FAM107A: variants seen among roughly 807,000 people sequenced by gnomAD.
FAM107A encodes the protein actin-associated protein FAM107A.
Under a neutral mutation model 13.7 loss-of-function variants are expected in FAM107A, and 19 were observed. The ratio of observed to expected loss-of-function variants is 1.38; its 90% CI spans 0.97 to 2.03. The LOEUF (loss-of-function observed/expected upper bound fraction) is 2.03, where lower values mean the gene tolerates loss of function less well. Ranked by LOEUF, FAM107A falls within the 30% of genes most tolerant of loss-of-function variation. FAM107A has a pLI of 0.00. For synonymous variants in FAM107A, 82 were observed against 74.5 expected (o/e 1.10, Z -0.52); for missense variants, 203 against 184.4 (o/e 1.10, Z -0.58).
upstream of FAM107A, among the ~76,000 whole-genome samples, chr3:58,578,732 C>T (rs1228585974): frequency 6.6e-6 from 1 of 152,162 alleles, no homozygotes; most frequent in Non-Finnish European, 1.5e-5. Flanking sequence ...TTAGTGTCAT[C>T]CTAGTTCCCC....
At chr3:58,589,114 C>G (rs2065634250), upstream of FAM107A, 14 of 814,892 alleles carry the variant, frequency 1.7e-5, no homozygotes, top group Non-Finnish European at 2.0e-5. Context: ...AAGTGGGACT[C>G]AGGGAAATTG....
chr3:58,599,535 G>A (rs903210466), intron 1 of FAM107A, among the ~76,000 whole-genome samples: 2 of 152,046 alleles, frequency 1.3e-5, no homozygotes, highest in African/African-American at 4.8e-5. Context: ...GTTAGAAGTC[G>A]GGATAGTGGT....
intron 1 of FAM107A, among the ~76,000 whole-genome samples, chr3:58,626,811 C>A (rs1378899660): frequency 2.6e-5 from 4 of 152,186 alleles, no homozygotes; most frequent in African/African-American, 7.2e-5. Context: ...TGAGCCCTTG[C>A]CTGCTTTCTA....
At position 58,577,390 on chromosome 3, in the gene FAM107A, A is replaced by G. The variant is rs2063739746; in HGVS notation, c.-87T>C. On this transcript the variant is annotated 5_prime_UTR_variant, in exon 1 of 4. Transcript: ENST00000360997. The surrounding 1 kb of genome is among the most constrained non-coding windows in gnomAD (Gnocchi z 4.9). ...TCCACCGGGAAGTCCCAGACTAGCA[A>G]GGAGGGCTGCCTCTAGAGGGCGGTT... is the stretch of plus-strand genomic sequence containing the variant. 1 of 985,284 alleles carries G rather than the reference A, an allele frequency of 1.0e-6. No individual in the cohort carries two copies. Among genetic ancestry groups the G allele is most frequent in the Non-Finnish European group, 1.2e-6 (1 of 829,946 alleles). 61.0% of individuals were successfully genotyped at this position (985,284 alleles called of 1,614,324 possible).
At chr3:58,609,845 A>G (rs2065836369) in intron 1 of FAM107A, among the ~76,000 whole-genome samples, 1 of 152,192 alleles carries the variant, frequency 6.6e-6, no homozygotes, top group Non-Finnish European at 1.5e-5. Context: ...TGGCCTAGGC[A>G]TGGCTTCTTG....
At position 58,603,156 on chromosome 3, in the gene FAM107A, C is replaced by T. The variant is rs965961412; in HGVS notation, c.-69-13887G>A. ...AAATAAAGGAAGTTGATAACTCTGC[C>T]TCAACTGTATTAAGCAGTCTAAATG... On this transcript the variant is annotated intron_variant, in intron 1 of 3. Transcript: ENST00000465970. Among the ~76,000 whole-genome samples the T allele has an allele frequency of 3.3e-5, 5 of 152,220 alleles. No individual in the cohort carries two copies. In the South Asian group the frequency reaches 6.2e-4, roughly 19 times the overall value.
intron 1 of FAM107A, among the ~76,000 whole-genome samples, chr3:58,612,281 C>T (rs1435368620): frequency 6.6e-6 from 1 of 151,988 alleles, no homozygotes; most frequent in Non-Finnish European, 1.5e-5. Flanking sequence ...TGCTATGTAC[C>T]CATGAAAAAT....
At chr3:58,612,402 A>G (rs1484221660) in intron 1 of FAM107A, among the ~76,000 whole-genome samples, 1 of 152,134 alleles carries the variant, frequency 6.6e-6, no homozygotes, top group Non-Finnish European at 1.5e-5. Flanking sequence ...CAACATCGTG[A>G]TAACTCGTCT....
chr3:58,625,547 G>C (rs2066005732), intron 1 of FAM107A, among the ~76,000 whole-genome samples: 1 of 152,118 alleles, frequency 6.6e-6, no homozygotes, highest in Non-Finnish European at 1.5e-5. Context: ...TTTGTACCTG[G>C]GGCCTGTAAG....
intron 1 of FAM107A, among the ~76,000 whole-genome samples, chr3:58,573,305 C>G (rs749891710): frequency 6.6e-6 from 1 of 152,204 alleles, no homozygotes; most frequent in Admixed American, 6.5e-5. Context: ...GCTGAGCCAG[C>G]CTTTCTGCCT....
At chr3:58,589,081 G>A, upstream of FAM107A, 1 of 667,172 alleles carries the variant, frequency 1.5e-6, no homozygotes, top group South Asian at 1.8e-5. Context: ...CTGCAAGGGA[G>A]AAACCAAACC....
chr3:58,594,457 G>A (rs868827307), intron 1 of FAM107A, among the ~76,000 whole-genome samples: 1 of 152,090 alleles, frequency 6.6e-6, no homozygotes, highest in African/African-American at 2.4e-5. Flanking sequence ...CGCTGGATCC[G>A]TAGGACTCTG....
At position 58,564,931 on chromosome 3, in the gene FAM107A, C is replaced by T. The variant is rs2108031227; in HGVS notation, c.*1657G>A. 1 of 152,398 alleles carries T rather than the reference C, an allele frequency of 6.6e-6. No homozygotes were observed. The allele number at this position is 152,398 out of a possible 1,614,324, so 9.4% of individuals were successfully genotyped here. ...AGCACACACAGGAAAAGCACGACTTCAGTCACCCTCAAACCACCCAGTTAT... is the reference window on the plus strand; with the variant it reads ...AGCACACACAGGAAAAGCACGACTTTAGTCACCCTCAAACCACCCAGTTAT... On this transcript the variant is annotated 3_prime_UTR_variant, in exon 4 of 4. Transcript: ENST00000360997. The surrounding 1 kb of genome is among the most constrained non-coding windows in gnomAD (Gnocchi z 5.6).
intron 3 of FAM107A, 57 bp from the exon 4 acceptor site, chr3:58,566,752 GA>G: frequency 7.1e-7 from 1 of 1,405,616 alleles, no homozygotes; most frequent in South Asian, 1.2e-5. Context: ...TTCCTACTCT[GA>G]AAACCTGTGG....
chr3:58,613,933 GC>G lies in FAM107A; in HGVS notation c.-70+13482del, dbSNP rs2065877962. On this transcript the variant is annotated intron_variant, in intron 1 of 3. Transcript: ENST00000465970. This position sits in a 1 kb window ranked among gnomAD's most constrained non-coding sequence, Gnocchi z 4.6. ...CAGGTGCCACAACTCCCTGCAGCCT[GC>G]TGTACCTGGGAAGTGCCAGTGGGCT... 6.6e-6 allele frequency among the ~76,000 whole-genome samples: 1 copy of G among 152,246 alleles called. No homozygotes were observed. The highest frequency in any genetic ancestry group is 1.5e-5 in the Non-Finnish European group (1 of 68,044).
chr3:58,570,971 T>A (rs1352191388), intron 1 of FAM107A, among the ~76,000 whole-genome samples: 4 of 152,248 alleles, frequency 2.6e-5, no homozygotes, highest in Non-Finnish European at 4.4e-5. Flanking sequence ...CTTCAGCCCC[T>A]GCTTGAGGGC....
At chr3:58,577,671 G>A (rs1353672965), upstream of FAM107A, 1 of 985,222 alleles carries the variant, frequency 1.0e-6, no homozygotes, top group Admixed American at 6.1e-5. This position sits in a 1 kb window ranked among gnomAD's most constrained non-coding sequence, Gnocchi z 4.9. Flanking sequence ...GGCGGCTCAC[G>A]TAAAGGAATT....
intron 1 of FAM107A, among the ~76,000 whole-genome samples, chr3:58,570,957 CA>C (rs960543932): frequency 1.3e-5 from 2 of 152,212 alleles, no homozygotes; most frequent in Admixed American, 6.5e-5. Context: ...TTTCAAACAC[CA>C]GGCTTCAGCC....
chr3:58,576,743 C>T (rs1022141306), intron 1 of FAM107A, among the ~76,000 whole-genome samples: 5 of 152,230 alleles, frequency 3.3e-5, no homozygotes, highest in Admixed American at 1.3e-4. Flanking sequence ...GCACTATGTG[C>T]CATGCACTGT....
Sources: gnomAD v4.1 joint callset for allele counts (sites outside exome capture counted in the v4.1 genomes callset) on GRCh38, gnomAD v4.1.1 for gene constraint, Gnocchi (gnomAD v3.1) non-coding constraint, MANE v1.5 for transcripts, NCBI Gene and HGNC (gene_info 2026-07-23, HGNC 2026-07-21) for gene names.